CSMD3: variants seen among roughly 807,000 people sequenced by gnomAD.
CSMD3 encodes CUB and sushi domain-containing protein 3.
A neutral mutation model predicts 435.2 loss-of-function variants in CSMD3; 177 were observed. The ratio of observed to expected loss-of-function variants is 0.41; its 90% CI spans 0.36 to 0.46. CSMD3 has a LOEUF of 0.46. CSMD3 is among the 20% of genes least tolerant of loss of function. CSMD3 has a pLI of 0.34. For synonymous variants in CSMD3, 1,656 were observed against 1,520.5 expected, an observed-to-expected ratio of 1.09 and a Z score of -2.07; for missense variants, 4,265 against 4,504.6, an observed-to-expected ratio of 0.95 and a Z score of 1.52.
At chr8:112,265,618 T>C (rs748443207) in intron 59 of CSMD3, 28 bp from the exon 60 acceptor site, 2 of 1,543,766 alleles carry the variant, frequency 1.3e-6, no homozygotes, top group South Asian at 1.1e-5. Flanking sequence ...GAAGAGCAGA[T>C]GGTTAATGAG....
intron 1 of CSMD3, among the ~76,000 whole-genome samples, chr8:113,433,276 A>G (rs983101109): frequency 3.3e-5 from 5 of 152,184 alleles, no homozygotes; most frequent in African/African-American, 1.2e-4. Flanking sequence ...AAGCTGAGAC[A>G]GATATTTTCC....
chr8:112,488,694 C>A (rs1820387014), intron 31 of CSMD3, among the ~76,000 whole-genome samples: 2 of 152,138 alleles, frequency 1.3e-5, no homozygotes, highest in African/African-American at 4.8e-5. Flanking sequence ...GAGGCGTACA[C>A]ATATTAATGT....
At chr8:113,226,011 TCTC>T (rs1376841768) in intron 3 of CSMD3, among the ~76,000 whole-genome samples, 1 of 151,340 alleles carries the variant, frequency 6.6e-6, no homozygotes, top group Non-Finnish European at 1.5e-5. Context: ...CCACTGCACT[TCTC>T]CTTCCTGCTG....
chr8:113,025,550 C>A (rs575706147), intron 5 of CSMD3, among the ~76,000 whole-genome samples: 1 of 152,128 alleles, frequency 6.6e-6, no homozygotes, highest in African/African-American at 2.4e-5. Context: ...GGTCCAGGAG[C>A]ATACCGATGC....
intron 27 of CSMD3, among the ~76,000 whole-genome samples, chr8:112,518,249 C>T (rs956437029): frequency 4.0e-5 from 6 of 151,780 alleles, no homozygotes; most frequent in Non-Finnish European, 8.8e-5. Flanking sequence ...ACCTGTAATC[C>T]CAGCACTTTG....
intron 7 of CSMD3, 70 bp from the exon 8 acceptor site, chr8:112,954,831 T>C: frequency 1.0e-6 from 1 of 970,500 alleles, no homozygotes; most frequent in Non-Finnish European, 1.6e-6. Context: ...AGTTAACAAA[T>C]TTTGTTAGCA....
At chr8:112,297,293 A>T (rs1257471525) in intron 53 of CSMD3, among the ~76,000 whole-genome samples, 2 of 151,468 alleles carry the variant, frequency 1.3e-5, no homozygotes, top group Non-Finnish European at 2.9e-5. Context: ...TCCTTAAATG[A>T]TTATAAAGGA....
chr8:112,346,689 TTTTTTTTTG>T (rs1258534200), intron 40 of CSMD3, among the ~76,000 whole-genome samples: 3 of 83,486 alleles, frequency 3.6e-5, no homozygotes, highest in African/African-American at 8.9e-5. Flanking sequence ...TTTTTTTTTT[TTTTTTTTTG>T]GAGAAGGAGT....
intron 30 of CSMD3, among the ~76,000 whole-genome samples, chr8:112,497,141 TTG>T (rs1434206885): frequency 6.6e-6 from 1 of 152,000 alleles, no homozygotes; most frequent in Non-Finnish European, 1.5e-5. Context: ...TTTTACTTAT[TTG>T]TGGGAGATAA....
At chr8:112,962,963 C>A (rs2084286692) in intron 7 of CSMD3, among the ~76,000 whole-genome samples, 1 of 151,938 alleles carries the variant, frequency 6.6e-6, no homozygotes, top group Non-Finnish European at 1.5e-5. Context: ...GAATTAGAAT[C>A]TGCAGTTTAA....
chr8:113,246,120 A>C (rs1431664279), intron 3 of CSMD3, among the ~76,000 whole-genome samples: 1 of 151,902 alleles, frequency 6.6e-6, no homozygotes, highest in African/African-American at 2.4e-5. Flanking sequence ...TAAGATTCTT[A>C]ATAGAATTCA....
intron 58 of CSMD3, among the ~76,000 whole-genome samples, chr8:112,284,119 G>A (rs1022331271): frequency 2.0e-4 from 31 of 151,880 alleles, no homozygotes; most frequent in Admixed American, 1.3e-3. Context: ...ATACACACTT[G>A]TATTGATAGC....
At chr8:113,248,938 A>G (rs1238142081) in intron 3 of CSMD3, among the ~76,000 whole-genome samples, 1 of 151,960 alleles carries the variant, frequency 6.6e-6, no homozygotes, top group Non-Finnish European at 1.5e-5. Context: ...CATATGATAT[A>G]TTAAGTCATT....
Position 112,976,007 on chromosome 8 carries a change from G to T in CSMD3, c.1172C>A (p.Ser391Tyr), listed in dbSNP as rs2084833772. 1 of 1,614,002 alleles carries T rather than the reference G, an allele frequency of 6.2e-7. No homozygotes were observed. Among genetic ancestry groups the T allele is most frequent in the Non-Finnish European group, 8.5e-7 (1 of 1,179,936 alleles). Reference sequence around the variant, plus strand: ...CGTAACTTGCACTCGCTGTTCCTCGGAAAGTCTATGGATGGTGACAGCTGT... The same window carrying T: ...CGTAACTTGCACTCGCTGTTCCTCGTAAAGTCTATGGATGGTGACAGCTGT... Reference protein sequence around the residue: ...SVTAVTIHRLSEEQRVQVTSL... With the variant: ...SVTAVTIHRLYEEQRVQVTSL... Residue 391 changes from serine (S) to tyrosine (Y), a missense_variant, in exon 7 of 71, where the codon TCC becomes TAC. Around this residue, in one of 3 missense-constraint regions of CSMD3, gnomAD observed 731 missense variants for 755.4 expected, o/e 0.97. Transcript: ENST00000297405.
At chr8:112,752,607 A>G (rs538041887) in intron 13 of CSMD3, among the ~76,000 whole-genome samples, 54 of 152,312 alleles carry the variant, frequency 3.5e-4, no homozygotes, top group African/African-American at 1.2e-3. Context: ...GAAACCTTAG[A>G]CTGATGTCTT....
At chr8:112,467,491 A>G (rs1818076170) in intron 32 of CSMD3, among the ~76,000 whole-genome samples, 1 of 151,794 alleles carries the variant, frequency 6.6e-6, no homozygotes, top group African/African-American at 2.4e-5. Context: ...TGCTTTATAC[A>G]GCAACTTATA....
At chr8:113,385,734 A>G (rs1027042471) in intron 1 of CSMD3, among the ~76,000 whole-genome samples, 9 of 152,148 alleles carry the variant, frequency 5.9e-5, no homozygotes, top group African/African-American at 2.2e-4. Flanking sequence ...GTAAGAAAAG[A>G]TAAAATACCC....
chr8:112,499,394 A>T (rs187018519), intron 30 of CSMD3, among the ~76,000 whole-genome samples: 1 of 152,242 alleles, frequency 6.6e-6, no homozygotes, highest in East Asian at 1.9e-4. Context: ...TAATTGCTAG[A>T]CCGAGCAGGT....
At position 112,631,014 on chromosome 8, in the gene CSMD3, G is replaced by T. The variant is rs559934876; in HGVS notation, c.3715+5803C>A. Among the ~76,000 whole-genome samples the T allele has an allele frequency of 1.9e-3, 290 of 149,672 alleles. 2 individuals are homozygous for T. The highest frequency in any genetic ancestry group is 6.6e-3 in the African/African-American group (270 of 40,750). ...TAATAGTCTCTTTTGAAAAACATGA[G>T]AAATATTTCCTCTTAATAATAAATA... On this transcript the variant is annotated intron_variant, in intron 22 of 70. Coordinates refer to ENST00000297405, the MANE Select transcript of CSMD3 (RefSeq NM_198123.2).
Sources: gnomAD v4.1 joint callset for allele counts (sites outside exome capture counted in the v4.1 genomes callset) on GRCh38, gnomAD v4.1.1 for gene constraint, gnomAD v4.1.1 regional missense constraint, MANE v1.5 for transcripts, NCBI Gene and HGNC (gene_info 2026-07-23, HGNC 2026-07-21) for gene names.